Variants in OGFOD1 observed in about 807,000 individuals in gnomAD.
The protein encoded by OGFOD1 is 2-oxoglutarate and iron dependent oxygenase domain containing 1, also known as prolyl 3-hydroxylase OGFOD1.
OGFOD1 carries 54 observed loss-of-function variants against 67.7 expected under a neutral mutation model. The observed-to-expected ratio is 0.80, with a 90% confidence interval of 0.64 to 1.00. OGFOD1 has a LOEUF of 1.00. Ranked by LOEUF, OGFOD1 falls within the 50% of genes least tolerant of loss-of-function variation. OGFOD1 has a pLI of 0.00. For synonymous variants in OGFOD1, 221 were observed against 227.0 expected (o/e 0.97, Z 0.24); for missense variants, 606 against 646.7 (o/e 0.94, Z 0.68).
chr16:56,467,288 C>G lies in OGFOD1; in HGVS notation c.781C>G (p.Gln261Glu), dbSNP rs751327440. Residue 261 changes from glutamine (Q) to glutamate (E), a missense_variant, in exon 7 of 13, where the codon CAA becomes GAA. Physicochemically the swap from Gln to Glu is conservative, Grantham distance 29. Transcript: ENST00000566157. The part of the protein sequence containing the change: ...PPIPRSPHIP[Q>E]DHEILYDWIN... ...CATACCTCGGAGCCCTCACATCCCACAAGATGTAAGAAGAATTGCTGATAT... is the reference window on the plus strand; with the variant it reads ...CATACCTCGGAGCCCTCACATCCCAGAAGATGTAAGAAGAATTGCTGATAT... 2 of 1,614,126 alleles carry G rather than the reference C, an allele frequency of 1.2e-6. No homozygotes were observed. Among genetic ancestry groups the G allele is most frequent in the East Asian group, 4.5e-5 (2 of 44,886 alleles).
intron 2 of OGFOD1, among the ~76,000 whole-genome samples, chr16:56,454,585 G>T (rs1962455784): frequency 6.6e-6 from 1 of 151,090 alleles, no homozygotes; most frequent in South Asian, 2.1e-4. Context: ...CCCCAGTTTG[G>T]GGGTATATCT....
chr16:56,466,146 T>C lies in OGFOD1; in HGVS notation c.449-6T>C, dbSNP rs764562319. ...GGGATCTAAGGTGTCCATTAAACTA[T>C]TGCAGATGCCCTGCTGTGCCATGAT... On this transcript the variant is annotated splice_polypyrimidine_tract_variant and splice_region_variant and intron_variant, in intron 4 of 12. Transcript: ENST00000566157. 6 of 1,609,850 alleles carry C rather than the reference T, an allele frequency of 3.7e-6. No individual in the cohort carries two copies. The highest frequency in any genetic ancestry group is 2.7e-5 in the African/African-American group (2 of 74,980).
chr16:56,454,814 T>A, intron 2 of OGFOD1: 1 of 444,344 alleles, frequency 2.3e-6, no homozygotes, highest in Non-Finnish European at 4.5e-6. Flanking sequence ...CTTCCCCAGA[T>A]CTTTCTGTCT....
At chr16:56,471,362 A>C (rs1432115133) in intron 10 of OGFOD1, among the ~76,000 whole-genome samples, 1 of 151,416 alleles carries the variant, frequency 6.6e-6, no homozygotes, top group African/African-American at 2.4e-5. Flanking sequence ...ACTACATCTC[A>C]AAGAAAAAAA....
At chr16:56,458,104 T>G (rs372436966) in intron 2 of OGFOD1, 42 of 190,854 alleles carry the variant, frequency 2.2e-4, no homozygotes, top group South Asian at 1.4e-3. Flanking sequence ...TGATATTGCC[T>G]TGCCACACTT....
At chr16:56,468,725 C>CAAA (rs34973805) in intron 8 of OGFOD1, among the ~76,000 whole-genome samples, 1 of 132,950 alleles carries the variant, frequency 7.5e-6, no homozygotes, top group African/African-American at 2.8e-5. Flanking sequence ...GACTCCGTCT[C>CAAA]AAAAAAAAAA....
In OGFOD1 at chr16:56,476,388, G is replaced by A. The variant is rs1420214696; in HGVS notation, c.*183G>A. ...ACCGAGACCTTGAGCTTGCAGCTAAGTACTTATCTCTTGATTAAAAAAAAA... is the reference window on the plus strand; with the variant it reads ...ACCGAGACCTTGAGCTTGCAGCTAAATACTTATCTCTTGATTAAAAAAAAA... On this transcript the variant is annotated 3_prime_UTR_variant, in exon 13 of 13. Transcript: ENST00000566157. 6 of 386,426 alleles carry A rather than the reference G, an allele frequency of 1.6e-5. No individual in the cohort carries two copies. Among genetic ancestry groups the A allele is most frequent in the African/African-American group, 4.3e-5 (2 of 46,356 alleles). 23.9% of individuals were successfully genotyped at this position (386,426 alleles called of 1,614,324 possible).
chr16:56,475,709 TACTC>T, intron 12 of OGFOD1, 144 bp downstream of exon 12: 1 of 698,174 alleles, frequency 1.4e-6, no homozygotes. Flanking sequence ...TAGTAGAAAA[TACTC>T]AGGATGGAAT....
intron 2 of OGFOD1, chr16:56,454,653 G>GA (rs57144787): frequency 1.9e-3 from 557 of 298,024 alleles, no homozygotes; most frequent in Middle Eastern, 5.9e-3. Context: ...ATTGGGGGGG[G>GA]AAAAAAAAAA....
At chr16:56,466,114 A>C (rs751700466) in intron 4 of OGFOD1, 38 bp from the exon 5 acceptor site, 1 of 1,451,540 alleles carries the variant, frequency 6.9e-7, no homozygotes, top group South Asian at 1.1e-5. Flanking sequence ...GCTGGTCACT[A>C]TCTGCAGGGA....
In OGFOD1 at chr16:56,453,480, T is replaced by C. The variant is rs1290655649; in HGVS notation, c.300+72T>C. 3.4e-6 allele frequency: 5 copies of C among 1,488,274 alleles called. No homozygotes were observed. The African/African-American group carries it at 5.6e-5, about 17-fold the overall frequency. The allele number at this position is 1,488,274 out of a possible 1,614,324, so 92.2% of individuals were successfully genotyped here. A position where few individuals can be genotyped will look rare whatever the true frequency, so the allele number is the denominator to read the frequency against. ...TGTCTATGAAGTCATTGAATACCTT[T>C]AGACTTGAGGTTTTAGGGTGGGTTT... is the stretch of plus-strand genomic sequence containing the variant. On this transcript the variant is annotated intron_variant, in intron 2 of 12. Coordinates refer to ENST00000566157, the MANE Select transcript of OGFOD1 (RefSeq NM_018233.4).
intron 3 of OGFOD1, chr16:56,458,884 A>G (rs1476668651): frequency 2.6e-6 from 1 of 391,360 alleles, no homozygotes; most frequent in African/African-American, 2.1e-5. Flanking sequence ...CATTTTTCAC[A>G]TGTTAGGTTG....
intron 2 of OGFOD1, among the ~76,000 whole-genome samples, chr16:56,456,019 T>A (rs963025222): frequency 4.6e-5 from 7 of 152,326 alleles, no homozygotes; most frequent in Admixed American, 4.6e-4. Flanking sequence ...CCTGTCAGTC[T>A]CTGGTAAGCC....
chr16:56,472,859 A>G (rs1448365005), intron 10 of OGFOD1, among the ~76,000 whole-genome samples: 1 of 152,162 alleles, frequency 6.6e-6, no homozygotes, highest in African/African-American at 2.4e-5. Context: ...CTTTATAACA[A>G]TAGAACAGGT....
At chr16:56,475,064 A>C in intron 11 of OGFOD1, 114 bp downstream of exon 11, 511 of 1,056,572 alleles carry the variant, frequency 4.8e-4, no homozygotes, top group Middle Eastern at 1.2e-3. Flanking sequence ...TCAGAATCTC[A>C]CATCATGGGA....
chr16:56,451,595 T>C lies in OGFOD1; in HGVS notation c.-18T>C. 1 of 1,612,952 alleles carries C rather than the reference T, an allele frequency of 6.2e-7. No individual in the cohort carries two copies. Among genetic ancestry groups the C allele is most frequent in the South Asian group, 1.1e-5 (1 of 91,068 alleles). ...AGCGTCTTGATCTGCGTGGCGTGGT[T>C]CTGTGCCTTGGGAAGAGATGAATGG... On this transcript the variant is annotated 5_prime_UTR_variant, in exon 1 of 13. Coordinates refer to ENST00000566157, the MANE Select transcript of OGFOD1 (RefSeq NM_018233.4).
chr16:56,475,756 T>C (rs955307368), intron 12 of OGFOD1, among the ~76,000 whole-genome samples, 191 bp downstream of exon 12: 3 of 152,210 alleles, frequency 2.0e-5, no homozygotes, highest in Admixed American at 6.5e-5. Flanking sequence ...TAAGCATTTA[T>C]TTTACCCTCC....
chr16:56,466,722 C>T lies in OGFOD1; in HGVS notation c.566-154C>T, dbSNP rs570546062. On this transcript the variant is annotated intron_variant, in intron 5 of 12. Coordinates refer to ENST00000566157, the MANE Select transcript of OGFOD1 (RefSeq NM_018233.4). Reference sequence around the variant, plus strand: ...AGAACAGATGCCACGTAGTCAAACTCGCAAGTATGAGTGAAGCAGATGGAA... The same window carrying T: ...AGAACAGATGCCACGTAGTCAAACTTGCAAGTATGAGTGAAGCAGATGGAA... The T allele has an allele frequency of 9.8e-5, 66 of 671,750 alleles. No homozygotes were observed. The East Asian group carries it at 1.1e-3, about 11-fold the overall frequency. 41.6% of individuals were successfully genotyped at this position (671,750 alleles called of 1,614,324 possible).
chr16:56,453,950 T>G (rs1374191253), intron 2 of OGFOD1, among the ~76,000 whole-genome samples: 3 of 152,194 alleles, frequency 2.0e-5, no homozygotes, highest in Non-Finnish European at 4.4e-5. Flanking sequence ...AGAAACAAAT[T>G]AAGCCGATGA....
Sources: gnomAD v4.1 joint callset for allele counts (sites outside exome capture counted in the v4.1 genomes callset) on GRCh38, gnomAD v4.1.1 for gene constraint, MANE v1.5 for transcripts, NCBI Gene and HGNC (gene_info 2026-07-23, HGNC 2026-07-21) for gene names.